Variants in ARHGAP22 observed in about 807,000 individuals in gnomAD.
ARHGAP22 encodes the protein Rho GTPase activating protein 22.
In ARHGAP22, 48 loss-of-function variants were observed where a neutral mutation model predicts 59.1. The ratio of observed to expected loss-of-function variants is 0.81; its 90% CI spans 0.64 to 1.03. The LOEUF (loss-of-function observed/expected upper bound fraction) is 1.03, where lower values mean the gene tolerates loss of function less well. Among genes scored for constraint, ARHGAP22 ranks in the 50% least tolerant of loss-of-function variants. The pLI, the probability that ARHGAP22 is intolerant of heterozygous loss-of-function variation, is 0.00. For missense variants in ARHGAP22, 1,015 were observed against 958.7 expected (o/e 1.06, Z -0.78); for synonymous variants, 445 against 416.4 (o/e 1.07, Z -0.84).
rs920262190 is a variant in ARHGAP22, at chr10:48,531,593, C to T, written c.322+23870G>A. Among the ~76,000 whole-genome samples, 34 of 152,082 alleles carry T rather than the reference C, an allele frequency of 2.2e-4. 1 individual carries two copies. Among genetic ancestry groups the T allele is most frequent in the Non-Finnish European group, 1.8e-4 (12 of 68,024 alleles). On this transcript the variant is annotated intron_variant, in intron 3 of 9. Transcript: ENST00000249601. Reference sequence around the variant, plus strand: ...TAAGAGCTTGACATGTGCACGTTCACTTAGAATTCAGAGCAATCCTATGCA... The same window carrying T: ...TAAGAGCTTGACATGTGCACGTTCATTTAGAATTCAGAGCAATCCTATGCA...
intron 1 of ARHGAP22, among the ~76,000 whole-genome samples, chr10:48,635,944 A>G (rs1258369874): frequency 6.6e-6 from 1 of 152,242 alleles, no homozygotes; most frequent in Non-Finnish European, 1.5e-5. Flanking sequence ...CAGGAATTAA[A>G]TGACATCACC....
intron 5 of ARHGAP22, among the ~76,000 whole-genome samples, chr10:48,457,626 C>A (rs1279177434): frequency 6.6e-6 from 1 of 152,188 alleles, no homozygotes; most frequent in East Asian, 1.9e-4. Flanking sequence ...GGTGGCAACC[C>A]GGGAGACTGA....
chr10:48,591,966 T>A (rs2059784966), intron 1 of ARHGAP22, among the ~76,000 whole-genome samples: 1 of 152,222 alleles, frequency 6.6e-6, no homozygotes, highest in Non-Finnish European at 1.5e-5. Flanking sequence ...CAGAGAGAAC[T>A]ACAAATGCAT....
intron 1 of ARHGAP22, among the ~76,000 whole-genome samples, chr10:48,621,526 G>C (rs1173248245): frequency 2.6e-5 from 4 of 152,188 alleles, no homozygotes; most frequent in Admixed American, 1.3e-4. Context: ...TTTGTTAAAA[G>C]TATAAATCAC....
At chr10:48,509,048 G>A (rs1446017373) in intron 3 of ARHGAP22, among the ~76,000 whole-genome samples, 1 of 152,250 alleles carries the variant, frequency 6.6e-6, no homozygotes, top group Non-Finnish European at 1.5e-5. Context: ...GAATGCTAAA[G>A]GCTTTATTCT....
In ARHGAP22 at chr10:48,479,721, C is replaced by T. The variant is rs376065518; in HGVS notation, c.366G>A (p.Ala122=). 8.1e-5 allele frequency: 130 copies of T among 1,605,854 alleles called. No individual in the cohort carries two copies. Among genetic ancestry groups the T allele is most frequent in the Non-Finnish European group, 9.8e-5 (115 of 1,175,552 alleles). ...GCTGGGAGCTGGCCATGAGCAGGAG[C>T]GCCTCGGGGTTGGCCGGCACCTTCT... ...EREKVPANPE[A]LLLMASSQRD... Residue 122 remains alanine, a synonymous_variant, in exon 4 of 10, where the codon GCG becomes GCA. Coordinates refer to ENST00000249601, the MANE Select transcript of ARHGAP22 (RefSeq NM_021226.4).
At chr10:48,510,868 G>C (rs1438029157) in intron 3 of ARHGAP22, 1 of 152,212 alleles carries the variant, frequency 6.6e-6, no homozygotes. Context: ...AAATCATCTG[G>C]AAAACGAGAA....
intron 4 of ARHGAP22, among the ~76,000 whole-genome samples, chr10:48,467,204 C>T (rs4838595): frequency 0.17 from 26,253 of 152,184 alleles, 2,920 homozygotes; most frequent in East Asian, 0.61. Flanking sequence ...TACAGAGAAT[C>T]AGAGAGGTTG....
intron 1 of ARHGAP22, among the ~76,000 whole-genome samples, chr10:48,598,792 C>T (rs897700914): frequency 9.2e-5 from 14 of 152,172 alleles, no homozygotes; most frequent in African/African-American, 2.4e-4. Context: ...AGGGGCACAC[C>T]GCTTGCCCCA....
intron 3 of ARHGAP22, among the ~76,000 whole-genome samples, chr10:48,520,732 G>A (rs1264670498): frequency 1.3e-5 from 2 of 152,090 alleles, no homozygotes; most frequent in Non-Finnish European, 2.9e-5. Flanking sequence ...CCTGGTCATG[G>A]GCAAAACCCC....
At position 48,578,029 on chromosome 10, in the gene ARHGAP22, G is replaced by A. The variant is rs188481639; in HGVS notation, c.234+4924C>T. Among the ~76,000 whole-genome samples the A allele has an allele frequency of 5.9e-5, 9 of 152,002 alleles. No homozygotes were observed. In the East Asian group the frequency reaches 1.5e-3, roughly 26 times the overall value. On this transcript the variant is annotated intron_variant, in intron 2 of 9. Coordinates refer to ENST00000249601, the MANE Select transcript of ARHGAP22 (RefSeq NM_021226.4). The stretch of plus-strand genomic sequence containing the variant: ...TCACCATGTTGGCTAGGCTGGTCTC[G>A]AACTCCTGACCTCAAATGATCTGCC...
chr10:48,551,720 G>A (rs1445150), intron 3 of ARHGAP22, among the ~76,000 whole-genome samples: 71,147 of 152,092 alleles, frequency 0.47, 17,693 homozygotes, highest in East Asian at 0.97. Context: ...TGGCACTAAA[G>A]CCCCCTTATA....
rs1034843005 is a variant in ARHGAP22 at position 48,479,457 on chromosome 10, G to A, written c.451+179C>T. The A allele has an allele frequency of 3.3e-5, 37 of 1,109,446 alleles. No individual in the cohort carries two copies. The African/African-American group carries it at 3.9e-4, about 12-fold the overall frequency. 68.7% of individuals were successfully genotyped at this position (1,109,446 alleles called of 1,614,324 possible). On this transcript the variant is annotated intron_variant, in intron 4 of 9. Transcript: ENST00000249601. ...TCAATAAAGGAGGAAGTGAGTACAC[G>A]GCAGCCGTTGGGTGACTCCCGAGGG... is the stretch of plus-strand genomic sequence containing the variant.
chr10:48,536,945 T>G (rs894636271), intron 3 of ARHGAP22, among the ~76,000 whole-genome samples: 1 of 151,960 alleles, frequency 6.6e-6, no homozygotes, highest in African/African-American at 2.4e-5. Context: ...TCACCCCTCT[T>G]CTGCAGGCCA....
chr10:48,593,382 T>C (rs777250097), intron 1 of ARHGAP22, among the ~76,000 whole-genome samples: 1 of 152,244 alleles, frequency 6.6e-6, no homozygotes, highest in Non-Finnish European at 1.5e-5. Context: ...CCCCAGTGGA[T>C]GTTCCCAGAC....
chr10:48,466,586 G>A (rs1244716220), intron 4 of ARHGAP22: 1 of 146,710 alleles, frequency 6.8e-6, no homozygotes, highest in Admixed American at 6.8e-5. Flanking sequence ...CTGGGGCGGC[G>A]GGCGCGCAAC....
At chr10:48,470,870 G>T (rs1186211779) in intron 4 of ARHGAP22, among the ~76,000 whole-genome samples, 1 of 152,230 alleles carries the variant, frequency 6.6e-6, no homozygotes, top group Non-Finnish European at 1.5e-5. Context: ...CAGTGCTGGG[G>T]AGAAGTGGTC....
At chr10:48,524,910 C>T (rs1182408580) in intron 3 of ARHGAP22, among the ~76,000 whole-genome samples, 2 of 152,166 alleles carry the variant, frequency 1.3e-5, no homozygotes, top group Non-Finnish European at 2.9e-5. Context: ...ACCTATAAAA[C>T]AGAGAAGATA....
At chr10:48,626,514 T>C (rs2061454635) in intron 1 of ARHGAP22, among the ~76,000 whole-genome samples, 1 of 152,222 alleles carries the variant, frequency 6.6e-6, no homozygotes, top group African/African-American at 2.4e-5. Flanking sequence ...GAATTGAAGC[T>C]CTGGCCACTG....
Sources: gnomAD v4.1 joint callset for allele counts (sites outside exome capture counted in the v4.1 genomes callset) on GRCh38, gnomAD v4.1.1 for gene constraint, MANE v1.5 for transcripts, NCBI Gene and HGNC (gene_info 2026-07-23, HGNC 2026-07-21) for gene names.